The following EPAS1 variants were observed in gnomAD, a reference collection of about 807,000 sequenced individuals.
EPAS1 encodes the protein endothelial PAS domain protein 1.
A neutral mutation model predicts 87.9 loss-of-function variants in EPAS1; 23 were observed. The observed-to-expected ratio is 0.26, with a 90% CI of 0.19 to 0.37. The LOEUF (loss-of-function observed/expected upper bound fraction) is 0.37, where lower values mean the gene tolerates loss of function less well. Ranked by LOEUF, EPAS1 falls within the 10% of genes least tolerant of loss-of-function variation. The pLI, the probability that EPAS1 is intolerant of heterozygous loss-of-function variation, is 1.00. For synonymous variants in EPAS1, 508 were observed against 444.3 expected (o/e 1.14, Z -1.80); for missense variants, 1,138 against 1,120.7 (o/e 1.02, Z -0.22).
chr2:46,365,892 A>G (rs1684489910), intron 6 of EPAS1, among the ~76,000 whole-genome samples: 1 of 152,248 alleles, frequency 6.6e-6, no homozygotes, highest in Non-Finnish European at 1.5e-5. Context: ...GTGGAAGGAA[A>G]GCAAGCCGAC....
At chr2:46,376,219 G>A (rs1441051297) in intron 8 of EPAS1, among the ~76,000 whole-genome samples, 1 of 152,088 alleles carries the variant, frequency 6.6e-6, no homozygotes, top group East Asian at 1.9e-4. Flanking sequence ...TGGAAAGAAA[G>A]CTAGAGGAAG....
At chr2:46,343,807 G>A (rs1683956624) in intron 1 of EPAS1, among the ~76,000 whole-genome samples, 1 of 152,228 alleles carries the variant, frequency 6.6e-6, no homozygotes. Flanking sequence ...ATTCGCCTAG[G>A]AAGAGCAGGG....
intron 1 of EPAS1, among the ~76,000 whole-genome samples, chr2:46,332,291 CGTGTGTGTGTGTGTGTGTGTGTGTGT>C (rs57893491): frequency 2.7e-5 from 3 of 110,800 alleles, no homozygotes; most frequent in Non-Finnish European, 3.9e-5. Context: ...AAAAAAAATA[CGTGTGTGTGTGTGTGTGTGTGTGTGT>C]GTGTGTGTGT....
In EPAS1 at chr2:46,360,288, G is replaced by C. The variant is rs143376190; in HGVS notation, c.455-350G>C. Among the ~76,000 whole-genome samples the C allele has an allele frequency of 6.0e-4, 92 of 152,342 alleles. No homozygotes were observed. Among genetic ancestry groups the C allele is most frequent in the African/African-American group, 1.6e-3 (68 of 41,578 alleles). On this transcript the variant is annotated intron_variant, in intron 4 of 15. Coordinates refer to ENST00000263734, the MANE Select transcript of EPAS1 (RefSeq NM_001430.5). The surrounding 1 kb of genome is among the most constrained non-coding windows in gnomAD (Gnocchi z 4.5). ...TTGGAATTTCTGCGAGAAGACCTGG[G>C]CCTGCCCCAGGAAAGGGTGGCTGAG... is the stretch of plus-strand genomic sequence containing the variant.
In EPAS1 at chr2:46,307,479, C is replaced by T. The variant is rs569212678; in HGVS notation, c.26+9542C>T. On this transcript the variant is annotated intron_variant, in intron 1 of 15. Transcript: ENST00000263734. ...CGGGAGTCTGTCTTTTATTCTGTAC[C>T]CGGGACTTAGGGGGAATTATTGGTG... is the stretch of plus-strand genomic sequence containing the variant. Among the ~76,000 whole-genome samples, 7 of 152,128 alleles carry T rather than the reference C, an allele frequency of 4.6e-5. No individual in the cohort carries two copies. The South Asian group carries it at 1.5e-3, about 32-fold the overall frequency.
intron 1 of EPAS1, among the ~76,000 whole-genome samples, chr2:46,342,038 C>T (rs1378466659): frequency 3.3e-5 from 5 of 152,258 alleles, no homozygotes; most frequent in South Asian, 2.1e-4. Flanking sequence ...GCTTTGGAAC[C>T]GTGGTCCTCA....
chr2:46,382,178 C>A (rs1198022155), intron 14 of EPAS1, 89 bp downstream of exon 14: 7 of 1,250,182 alleles, frequency 5.6e-6, no homozygotes, highest in African/African-American at 1.5e-5. Flanking sequence ...CCATTCACCA[C>A]AGGCCGTACC....
intron 1 of EPAS1, among the ~76,000 whole-genome samples, chr2:46,302,120 G>GTGTTTGTT (rs1558579986): frequency 2.6e-4 from 10 of 39,146 alleles, no homozygotes; most frequent in African/African-American, 3.5e-4. Flanking sequence ...CTTTCTCTCT[G>GTGTTTGTT]TGTGTGTGTG....
intron 1 of EPAS1, among the ~76,000 whole-genome samples, chr2:46,306,604 T>G (rs2104838404): frequency 6.6e-6 from 1 of 152,302 alleles, no homozygotes; most frequent in South Asian, 2.1e-4. Flanking sequence ...TTTGGAGTAT[T>G]GAGAAAGATT....
rs1684364715 is a variant in EPAS1, at chr2:46,360,554, C to G, written c.455-84C>G. 7 of 1,211,418 alleles carry G rather than the reference C, an allele frequency of 5.8e-6. No homozygotes were observed. Among genetic ancestry groups the G allele is most frequent in the South Asian group, 4.9e-5 (4 of 82,400 alleles). 75.0% of individuals were successfully genotyped at this position (1,211,418 alleles called of 1,614,324 possible). On this transcript the variant is annotated intron_variant, in intron 4 of 15. Coordinates refer to ENST00000263734, the MANE Select transcript of EPAS1 (RefSeq NM_001430.5). The surrounding 1 kb of genome is among the most constrained non-coding windows in gnomAD (Gnocchi z 4.5). ...TTGGAAAATATAAACAATAGGCTGC[C>G]AAGAAAAACTGCAGCTGGGCCCCTC...
intron 1 of EPAS1, among the ~76,000 whole-genome samples, chr2:46,341,954 T>C (rs1683921301): frequency 6.6e-6 from 1 of 152,118 alleles, no homozygotes. Flanking sequence ...TCCAAAAACA[T>C]TTAAGTCCAA....
At chr2:46,362,998 G>GGTA (rs1558603145) in intron 6 of EPAS1, among the ~76,000 whole-genome samples, 9 of 147,964 alleles carry the variant, frequency 6.1e-5, no homozygotes, top group South Asian at 2.2e-4. Flanking sequence ...TGGTGGTGGT[G>GGTA]GTGGTGGTGG....
intron 6 of EPAS1, among the ~76,000 whole-genome samples, chr2:46,365,238 C>T (rs1225473436): frequency 6.6e-6 from 1 of 152,086 alleles, no homozygotes; most frequent in Non-Finnish European, 1.5e-5. Flanking sequence ...GCAGTATCAC[C>T]AGGGGAAGAG....
Position 46,360,830 on chromosome 2 carries a change from AC to A in EPAS1, c.574-50del, listed in dbSNP as rs1684370227. On this transcript the variant is annotated intron_variant, in intron 5 of 15. Transcript: ENST00000263734. The surrounding 1 kb of genome is among the most constrained non-coding windows in gnomAD (Gnocchi z 4.5). ...CGGTGCAGGGGATGCCTAAGGCCCT[AC>A]CCCCACCCCCAGCACTCTCGGCTCC... 1.2e-6 allele frequency: 2 copies of A among 1,611,372 alleles called. No homozygotes were observed. The highest frequency in any genetic ancestry group is 1.7e-6 in the Non-Finnish European group (2 of 1,177,794).
intron 2 of EPAS1, among the ~76,000 whole-genome samples, chr2:46,351,259 T>C (rs72797404): frequency 0.28 from 42,759 of 152,066 alleles, 6,496 homozygotes; most frequent in East Asian, 0.68. Context: ...CTAAAAAGTC[T>C]CGTCAGTCAA....
intron 1 of EPAS1, among the ~76,000 whole-genome samples, chr2:46,325,137 T>C (rs1041111100): frequency 6.6e-6 from 1 of 152,302 alleles, no homozygotes; most frequent in East Asian, 1.9e-4. Flanking sequence ...AAAAGCATGG[T>C]GAGGAAGGTT....
rs1684629661 is a variant in EPAS1, at chr2:46,371,705, C to T, written c.886+1772C>T. The stretch of plus-strand genomic sequence containing the variant: ...AAGGCAGGTGACAGAATCATCCAGG[C>T]ACTGGGACTTAGCGGCCCAGGCTCT... On this transcript the variant is annotated intron_variant, in intron 7 of 15. Transcript: ENST00000263734. The surrounding 1 kb of genome is among the most constrained non-coding windows in gnomAD (Gnocchi z 4.3). 6.6e-6 allele frequency among the ~76,000 whole-genome samples: 1 copy of T among 152,182 alleles called. No individual in the cohort carries two copies. The highest frequency in any genetic ancestry group is 2.4e-5 in the African/African-American group (1 of 41,442).
intron 6 of EPAS1, among the ~76,000 whole-genome samples, chr2:46,366,746 C>G (rs1455959645): frequency 1.3e-5 from 2 of 152,338 alleles, no homozygotes; most frequent in Non-Finnish European, 2.9e-5. Flanking sequence ...TCCCTGGCCC[C>G]TGATGGAGAG....
rs972915046 is a variant in EPAS1, at chr2:46,371,965, G to A, written c.886+2032G>A. Among the ~76,000 whole-genome samples the A allele has an allele frequency of 1.3e-5, 2 of 152,176 alleles. No individual in the cohort carries two copies. The highest frequency in any genetic ancestry group is 2.9e-5 in the Non-Finnish European group (2 of 68,030). On this transcript the variant is annotated intron_variant, in intron 7 of 15. Coordinates refer to ENST00000263734, the MANE Select transcript of EPAS1 (RefSeq NM_001430.5). The surrounding 1 kb of genome is among the most constrained non-coding windows in gnomAD (Gnocchi z 4.3). ...AAAAAAAATTGTGACTTCTGACTAG[G>A]CATATAGAAAGGATTTTCCCTCTTG...
Sources: gnomAD v4.1 joint callset for allele counts (sites outside exome capture counted in the v4.1 genomes callset) on GRCh38, gnomAD v4.1.1 for gene constraint, Gnocchi (gnomAD v3.1) non-coding constraint, MANE v1.5 for transcripts, NCBI Gene and HGNC (gene_info 2026-07-23, HGNC 2026-07-21) for gene names.